PCDHA13: variants seen among roughly 807,000 people sequenced by gnomAD.
The protein encoded by PCDHA13 is protocadherin alpha 13.
Under a neutral mutation model 64.8 loss-of-function variants are expected in PCDHA13, and 54 were observed. The observed-to-expected ratio is 0.83, with a 90% CI of 0.67 to 1.04. The LOEUF is 1.04. PCDHA13 is among the 50% of genes least tolerant of loss of function. The pLI is 0.00. For synonymous variants in PCDHA13, 587 were observed against 564.4 expected (o/e 1.04, Z -0.57); for missense variants, 1,248 against 1,254.3 (o/e 0.99, Z 0.08).
In PCDHA13 at chr5:140,947,454, C is replaced by G. The variant is rs138457341; in HGVS notation, c.2395-31495C>G. 3.0e-4 allele frequency among the ~76,000 whole-genome samples: 45 copies of G among 151,700 alleles called. No individual in the cohort carries two copies. In the East Asian group the frequency reaches 8.3e-3, roughly 28 times the overall value. On this transcript the variant is annotated intron_variant, in intron 1 of 3. Coordinates refer to ENST00000289272, the MANE Select transcript of PCDHA13 (RefSeq NM_018904.3). ...AAAATCAGCTGTGAAATCCTCCAACCTTGTTCTACTTGTAAACATTGTTTT... is the reference window on the plus strand; with the variant it reads ...AAAATCAGCTGTGAAATCCTCCAACGTTGTTCTACTTGTAAACATTGTTTT...
chr5:141,011,102 CT>C lies in PCDHA13; in HGVS notation c.*1166del, dbSNP rs2098419453. The C allele has an allele frequency of 1.3e-5, 2 of 153,744 alleles. No homozygotes were observed. The highest frequency in any genetic ancestry group is 6.5e-5 in the Admixed American group (1 of 15,280). The allele number at this position is 153,744 out of a possible 1,614,324, so 9.5% of individuals were successfully genotyped here. On this transcript the variant is annotated 3_prime_UTR_variant, in exon 4 of 4. Transcript: ENST00000289272. ...ATGATCTCTCTTTCTCTCTCTCTCT[CT>C]CTTTTCTAAGAAACAATTATGTGCA...
intron 1 of PCDHA13, among the ~76,000 whole-genome samples, chr5:140,945,549 G>A (rs246058): frequency 0.56 from 85,718 of 151,780 alleles, 24,784 homozygotes; most frequent in African/African-American, 0.69. Context: ...ACAAAAAAAT[G>A]AAGCTGAAGA....
intron 1 of PCDHA13, among the ~76,000 whole-genome samples, chr5:140,956,940 T>G (rs1446313251): frequency 6.7e-6 from 1 of 150,168 alleles, no homozygotes; most frequent in Non-Finnish European, 1.5e-5. Flanking sequence ...AGGATAAAAT[T>G]TACATTAAAA....
rs376929883 is a variant in PCDHA13 at position 140,967,867 on chromosome 5, C to T, written c.2395-11082C>T. Reference sequence around the variant, plus strand: ...ATGACAATGCCCCAGAGGTGGTGCTCACGGACCTGTATAGCCCAGTGCCTG... The same window carrying T: ...ATGACAATGCCCCAGAGGTGGTGCTTACGGACCTGTATAGCCCAGTGCCTG... On this transcript the variant is annotated intron_variant, in intron 1 of 3. Coordinates refer to ENST00000289272, the MANE Select transcript of PCDHA13 (RefSeq NM_018904.3). 48 of 1,614,012 alleles carry T rather than the reference C, an allele frequency of 3.0e-5. No individual in the cohort carries two copies. The African/African-American group carries it at 6.0e-4, about 20-fold the overall frequency.
At chr5:140,924,646 G>A (rs2081930568) in intron 1 of PCDHA13, among the ~76,000 whole-genome samples, 1 of 152,122 alleles carries the variant, frequency 6.6e-6, no homozygotes, top group Non-Finnish European at 1.5e-5. Context: ...TGTAATCCCA[G>A]CACTTTGGGA....
At chr5:140,923,181 A>T (rs2081206798) in intron 1 of PCDHA13, among the ~76,000 whole-genome samples, 1 of 152,158 alleles carries the variant, frequency 6.6e-6, no homozygotes, top group Non-Finnish European at 1.5e-5. Flanking sequence ...GTTCAGATGC[A>T]TCTACTGCAG....
In PCDHA13 at chr5:140,884,503, A is replaced by C. The variant is rs782488569; in HGVS notation, c.2235A>C (p.Ala745=). The part of the protein sequence containing the change: ...GKPTLVCSSA[A]GSWSYSQQRR... ...CCACTCTAGTGTGCTCCAGCGCGGC[A>C]GGGAGTTGGTCGTACTCGCAGCAGA... The change falls in exon 1 of 4, where the codon GCA becomes GCC. Residue 745 remains alanine (A), a synonymous_variant. Transcript: ENST00000289272. 5.1e-5 allele frequency: 82 copies of C among 1,613,940 alleles called. No homozygotes were observed. Among genetic ancestry groups the C allele is most frequent in the Middle Eastern group, 1.6e-4 (1 of 6,084 alleles).
chr5:140,885,164 T>G (rs2060495549), intron 1 of PCDHA13, among the ~76,000 whole-genome samples: 1 of 151,598 alleles, frequency 6.6e-6, no homozygotes, highest in African/African-American at 2.4e-5. Context: ...TCTCTACTTT[T>G]TTGTCCTCTA....
At chr5:140,983,438 C>T (rs1233600670) in intron 3 of PCDHA13, among the ~76,000 whole-genome samples, 2 of 152,224 alleles carry the variant, frequency 1.3e-5, no homozygotes, top group Non-Finnish European at 2.9e-5. Flanking sequence ...ATTGTGTCTA[C>T]TCTAATCCTC....
intron 1 of PCDHA13, among the ~76,000 whole-genome samples, chr5:140,972,402 G>A (rs1554234110): frequency 6.6e-6 from 1 of 151,784 alleles, no homozygotes; most frequent in Non-Finnish European, 1.5e-5. Context: ...TTCACTATTG[G>A]CAAACCCTGT....
rs1310704954 is a variant in PCDHA13, at chr5:141,010,062, A to C, written c.*125A>C. 1.2e-6 allele frequency: 2 copies of C among 1,602,540 alleles called. No homozygotes were observed. The highest frequency in any genetic ancestry group is 1.7e-6 in the Non-Finnish European group (2 of 1,174,354). Reference sequence around the variant, plus strand: ...CCTCTTAGAGACCTCAGAAATCTGCAGAAAGTTCCCTGTGTCTGTCTAGAA... The same window carrying C: ...CCTCTTAGAGACCTCAGAAATCTGCCGAAAGTTCCCTGTGTCTGTCTAGAA... On this transcript the variant is annotated 3_prime_UTR_variant, in exon 4 of 4. Transcript: ENST00000289272.
At position 140,979,365 on chromosome 5, in the gene PCDHA13, C is replaced by T. The variant is rs782063202; in HGVS notation, c.2453+358C>T. Among the ~76,000 whole-genome samples, 13 of 151,916 alleles carry T rather than the reference C, an allele frequency of 8.6e-5. 1 individual carries two copies. The highest frequency in any genetic ancestry group is 1.5e-5 in the Non-Finnish European group (1 of 67,992). On this transcript the variant is annotated intron_variant, in intron 2 of 3. Coordinates refer to ENST00000289272, the MANE Select transcript of PCDHA13 (RefSeq NM_018904.3). ...TGTAATTAATACTCATGCTTTGAGA[C>T]TTGGGTACATTGTGCAATGTATACA...
Position 140,956,868 on chromosome 5 carries a change from G to A in PCDHA13, c.2395-22081G>A, listed in dbSNP as rs1161897507. Among the ~76,000 whole-genome samples, 4 of 152,082 alleles carry A rather than the reference G, an allele frequency of 2.6e-5. No individual in the cohort carries two copies. In the South Asian group the frequency reaches 8.3e-4, roughly 32 times the overall value. On this transcript the variant is annotated intron_variant, in intron 1 of 3. Transcript: ENST00000289272. ...GGGTTAAATGGTTGAATGAATGTGT[G>A]AAAAGTTAGATATCAATGAATGAAT...
At chr5:140,951,746 C>A (rs2094627797) in intron 1 of PCDHA13, among the ~76,000 whole-genome samples, 1 of 152,128 alleles carries the variant, frequency 6.6e-6, no homozygotes, top group African/African-American at 2.4e-5. Flanking sequence ...ACTGCCCTCA[C>A]CCTCCGCGAA....
chr5:140,992,485 A>T (rs1234957114), intron 3 of PCDHA13, among the ~76,000 whole-genome samples: 1 of 152,208 alleles, frequency 6.6e-6, no homozygotes, highest in Non-Finnish European at 1.5e-5. Flanking sequence ...CCCAGAGGCC[A>T]ATCTGTAAGG....
At chr5:140,927,258 T>C in intron 1 of PCDHA13, 1 of 1,613,878 alleles carries the variant, frequency 6.2e-7, no homozygotes, top group Non-Finnish European at 8.5e-7. Context: ...ACAACTCACC[T>C]CTCTTTCCTG....
chr5:140,928,081 C>T (rs782268064), intron 1 of PCDHA13: 1 of 1,614,090 alleles, frequency 6.2e-7, no homozygotes, highest in Non-Finnish European at 8.5e-7. Context: ...CTACTACAGC[C>T]TGCTGATTGA....
rs2153592349 is a variant in PCDHA13 at position 140,927,874 on chromosome 5, G to A, written c.2394+43212G>A. 1.9e-6 allele frequency: 3 copies of A among 1,614,102 alleles called. No individual in the cohort carries two copies. The East Asian group carries it at 6.7e-5, about 36-fold the overall frequency. Reference sequence around the variant, plus strand: ...TTTAGCTAGCACCGCTAAACTGCTGGTGGAGGTGACTGACGTGAACGATCA... The same window carrying A: ...TTTAGCTAGCACCGCTAAACTGCTGATGGAGGTGACTGACGTGAACGATCA... On this transcript the variant is annotated intron_variant, in intron 1 of 3. Coordinates refer to ENST00000289272, the MANE Select transcript of PCDHA13 (RefSeq NM_018904.3).
intron 1 of PCDHA13, chr5:140,926,863 G>A: frequency 1.3e-6 from 2 of 1,523,054 alleles, no homozygotes; most frequent in Non-Finnish European, 8.8e-7. Flanking sequence ...GGTGTAGCGT[G>A]TTGGTGGAAC....
Sources: allele counts gnomAD v4.1 joint callset (sites outside exome capture counted in the v4.1 genomes callset), GRCh38; gene constraint gnomAD v4.1.1; transcripts MANE v1.5; gene names NCBI Gene and HGNC (gene_info 2026-07-23, HGNC 2026-07-21).